The following IFNG-AS1 variants were observed in gnomAD, a reference collection of about 807,000 sequenced individuals.
IFNG-AS1 encodes the protein IFNG antisense RNA 1 (non-protein coding).
At chr12:68,007,376 T>C (rs961031070) in intron 3 of IFNG-AS1, among the ~76,000 whole-genome samples, 6 of 152,226 alleles carry the variant, frequency 3.9e-5, no homozygotes, top group Non-Finnish European at 7.3e-5. Flanking sequence ...ACTTTCTTCA[T>C]ATACCCCCTT....
chr12:68,016,356 T>C (rs1285814181), intron 3 of IFNG-AS1, among the ~76,000 whole-genome samples: 1 of 152,102 alleles, frequency 6.6e-6, no homozygotes, highest in Non-Finnish European at 1.5e-5. Flanking sequence ...TTAATTACAA[T>C]TGCTTGATGG....
chr12:67,994,516 A>C (rs1029417886), intron 1 of IFNG-AS1, among the ~76,000 whole-genome samples: 39 of 152,298 alleles, frequency 2.6e-4, no homozygotes, highest in African/African-American at 8.9e-4. Context: ...ATGCTGCTTT[A>C]TCCTAACTTG....
At chr12:68,017,653 T>C (rs1010739678) in intron 3 of IFNG-AS1, among the ~76,000 whole-genome samples, 6 of 152,188 alleles carry the variant, frequency 3.9e-5, no homozygotes, top group African/African-American at 1.4e-4. Context: ...AATCCCTCTC[T>C]GGGGAATATA....
In IFNG-AS1 at chr12:68,017,674, T is replaced by C. The variant is rs181220067; in HGVS notation, n.242-2188T>C. Among the ~76,000 whole-genome samples the C allele has an allele frequency of 1.9e-4, 29 of 152,302 alleles. No individual in the cohort carries two copies. In the East Asian group the frequency reaches 5.6e-3, roughly 29 times the overall value. On this transcript the variant is annotated intron_variant and non_coding_transcript_variant, in intron 3 of 5. Coordinates refer to ENST00000536914, the Ensembl canonical transcript of IFNG-AS1. ...TCTCTGGGGAATATAATATAATCTTTACATTTCTAAAATCTTCCAAATGAC... is the reference window on the plus strand; with the variant it reads ...TCTCTGGGGAATATAATATAATCTTCACATTTCTAAAATCTTCCAAATGAC...
rs201220925 is a variant in IFNG-AS1 at position 68,004,821 on chromosome 12, G to GA, written n.185-1264dup. ...CCCAAGTGCTCCAAACAGTGATGGG[G>GA]AAAAATTGGACTCTTCTCTGGACTT... is the stretch of plus-strand genomic sequence containing the variant. On this transcript the variant is annotated intron_variant and non_coding_transcript_variant, in intron 2 of 5. Transcript: ENST00000536914. Among the ~76,000 whole-genome samples the GA allele has an allele frequency of 5.5e-3, 834 of 152,152 alleles. 10 individuals are homozygous for GA. Among genetic ancestry groups the GA allele is most frequent in the African/African-American group, 0.019 (806 of 41,528 alleles).
intron 2 of IFNG-AS1, among the ~76,000 whole-genome samples, chr12:68,001,025 C>G (rs935430110): frequency 6.6e-6 from 1 of 152,144 alleles, no homozygotes; most frequent in African/African-American, 2.4e-5. Context: ...TTATAGACCA[C>G]AAGACTCATC....
At chr12:68,012,506 G>A (rs139149720) in intron 3 of IFNG-AS1, among the ~76,000 whole-genome samples, 4 of 152,180 alleles carry the variant, frequency 2.6e-5, no homozygotes, top group Non-Finnish European at 5.9e-5. Flanking sequence ...GAGGAAAGGA[G>A]AGTAAAGGAA....
At chr12:68,001,881 T>C (rs1167444456) in intron 2 of IFNG-AS1, among the ~76,000 whole-genome samples, 1 of 152,108 alleles carries the variant, frequency 6.6e-6, no homozygotes, top group African/African-American at 2.4e-5. Flanking sequence ...GTTCACAGCA[T>C]GCACTGAGGG....
intron 3 of IFNG-AS1, among the ~76,000 whole-genome samples, chr12:68,015,773 G>T (rs981892357): frequency 6.6e-6 from 1 of 152,186 alleles, no homozygotes; most frequent in East Asian, 1.9e-4. Flanking sequence ...AGAAAGATCA[G>T]CCAAGTTTGA....
chr12:68,006,953 G>T (rs1391153453), intron 3 of IFNG-AS1, among the ~76,000 whole-genome samples: 4 of 152,292 alleles, frequency 2.6e-5, no homozygotes, highest in African/African-American at 7.2e-5. Context: ...AAAGCATGTT[G>T]TTTCAAGATT....
chr12:68,017,543 G>A (rs868241688), intron 3 of IFNG-AS1, among the ~76,000 whole-genome samples: 2 of 152,278 alleles, frequency 1.3e-5, no homozygotes, highest in Admixed American at 6.5e-5. Context: ...GGATGTGGAA[G>A]ATAAAGAAGG....
intron 3 of IFNG-AS1, among the ~76,000 whole-genome samples, chr12:68,016,540 C>A (rs2120479182): frequency 6.6e-6 from 1 of 152,232 alleles, no homozygotes; most frequent in Non-Finnish European, 1.5e-5. Context: ...TACTTCATTC[C>A]AAACATGGAG....
chr12:67,990,568 A>G (rs1331562849), intron 1 of IFNG-AS1, among the ~76,000 whole-genome samples: 1 of 151,862 alleles, frequency 6.6e-6, no homozygotes. Flanking sequence ...AGGAAACTTT[A>G]TACACCTAAG....
intron 1 of IFNG-AS1, among the ~76,000 whole-genome samples, chr12:67,990,894 A>AT (rs148384284): frequency 0.029 from 4,468 of 151,714 alleles, 228 homozygotes; most frequent in African/African-American, 0.1. Context: ...TACATAAATA[A>AT]TTTTTTTTTA....
At chr12:67,995,614 C>A (rs1215761132) in intron 1 of IFNG-AS1, among the ~76,000 whole-genome samples, 1 of 150,186 alleles carries the variant, frequency 6.7e-6, no homozygotes, top group Admixed American at 6.7e-5. Flanking sequence ...CCCAGCTATT[C>A]GGAAGGCTGA....
intron 3 of IFNG-AS1, among the ~76,000 whole-genome samples, chr12:68,019,579 G>C (rs1880238356): frequency 2.6e-5 from 4 of 152,156 alleles, no homozygotes; most frequent in Admixed American, 2.6e-4. Flanking sequence ...GCCTGAAGGA[G>C]ATAGTGTACA....
chr12:67,994,030 T>C (rs1879576846), intron 1 of IFNG-AS1, among the ~76,000 whole-genome samples: 1 of 152,200 alleles, frequency 6.6e-6, no homozygotes, highest in Admixed American at 6.5e-5. Flanking sequence ...AGTACCATCA[T>C]GTTCCCCCCA....
intron 3 of IFNG-AS1, among the ~76,000 whole-genome samples, chr12:68,019,318 T>C (rs1318973927): frequency 6.6e-6 from 1 of 152,170 alleles, no homozygotes; most frequent in Non-Finnish European, 1.5e-5. Flanking sequence ...CTCGCATGTA[T>C]CAACTTATTG....
At chr12:68,000,812 G>A (rs1372256371) in intron 2 of IFNG-AS1, among the ~76,000 whole-genome samples, 1 of 152,038 alleles carries the variant, frequency 6.6e-6, no homozygotes, top group Non-Finnish European at 1.5e-5. Context: ...TATTTTCAGA[G>A]GATATGACCT....
Sources: allele counts gnomAD v4.1 joint callset (sites outside exome capture counted in the v4.1 genomes callset), GRCh38; gene constraint gnomAD v4.1.1; transcripts MANE v1.5; gene names NCBI Gene and HGNC (gene_info 2026-07-23, HGNC 2026-07-21).